The following SLC9A9 variants were observed in gnomAD, a reference collection of about 807,000 sequenced individuals.
SLC9A9 encodes sodium/hydrogen exchanger 9.
A neutral mutation model predicts 77.8 loss-of-function variants in SLC9A9; 62 were observed. That is an observed-to-expected ratio of 0.80 (90% confidence interval 0.65 to 0.98). The LOEUF (loss-of-function observed/expected upper bound fraction) is 0.98, where lower values mean the gene tolerates loss of function less well. Ranked by LOEUF, SLC9A9 falls within the 50% of genes least tolerant of loss-of-function variation. The probability of loss-of-function intolerance (pLI) is 0.00; values close to 1 mark genes in which losing one functional copy is unlikely to be tolerated. For missense variants in SLC9A9, 775 were observed against 774.9 expected (o/e 1.00, Z 0.00); for synonymous variants, 320 against 283.5 (o/e 1.13, Z -1.29).
At chr3:143,761,896 G>A (rs575328063) in intron 4 of SLC9A9, among the ~76,000 whole-genome samples, 48 of 152,298 alleles carry the variant, frequency 3.2e-4, no homozygotes, top group African/African-American at 1.1e-3. Flanking sequence ...GCACACGTAT[G>A]TTTATTGCAG....
At chr3:143,332,303 A>G (rs1265251846) in intron 14 of SLC9A9, among the ~76,000 whole-genome samples, 1 of 152,196 alleles carries the variant, frequency 6.6e-6, no homozygotes, top group Non-Finnish European at 1.5e-5. Context: ...GGGTTCTAAA[A>G]AACCTCAACC....
intron 14 of SLC9A9, among the ~76,000 whole-genome samples, chr3:143,278,281 ACG>A (rs1281746240): frequency 6.6e-6 from 1 of 152,070 alleles, no homozygotes; most frequent in African/African-American, 2.4e-5. Flanking sequence ...CAAACACAAA[ACG>A]CAAAGGGCTG....
At chr3:143,332,023 G>C (rs1410417215) in intron 14 of SLC9A9, among the ~76,000 whole-genome samples, 1 of 152,188 alleles carries the variant, frequency 6.6e-6, no homozygotes, top group Admixed American at 6.5e-5. Flanking sequence ...AAGTCATGGA[G>C]TTAAGGTTTC....
At chr3:143,418,187 C>T (rs909559520) in intron 12 of SLC9A9, among the ~76,000 whole-genome samples, 7 of 151,328 alleles carry the variant, frequency 4.6e-5, no homozygotes, top group African/African-American at 1.7e-4. Flanking sequence ...TCCATCCAGC[C>T]TTACCATGAA....
intron 12 of SLC9A9, among the ~76,000 whole-genome samples, chr3:143,449,631 A>T (rs189222283): frequency 3.8e-5 from 1 of 26,408 alleles, no homozygotes; most frequent in Non-Finnish European, 6.3e-5. Flanking sequence ...AATTATATAA[A>T]ATATAATTAT....
At position 143,763,668 on chromosome 3, in the gene SLC9A9, C is replaced by CA. The variant is rs374781441; in HGVS notation, c.533+31332dup. On this transcript the variant is annotated intron_variant, in intron 4 of 15. Transcript: ENST00000316549. ...TAAGTAATTCTACTCTGCAGTCTTTCAAAAAAAGCTAGAAAAATGAAGCAA... is the reference window on the plus strand; with the variant it reads ...TAAGTAATTCTACTCTGCAGTCTTTCAAAAAAAAGCTAGAAAAATGAAGCAA... 4.0e-3 allele frequency among the ~76,000 whole-genome samples: 597 copies of CA among 149,684 alleles called. 5 individuals carry two copies. The highest frequency in any genetic ancestry group is 0.012 in the African/African-American group (505 of 40,868).
chr3:143,281,547 T>A (rs1938220698), intron 14 of SLC9A9, among the ~76,000 whole-genome samples: 1 of 152,100 alleles, frequency 6.6e-6, no homozygotes. Flanking sequence ...TCCCTCAGGG[T>A]CCCAACTCTT....
Position 143,805,615 on chromosome 3 carries a change from A to G in SLC9A9, c.379-8712T>C, listed in dbSNP as rs186738639. ...CTGCCTTAACTGATGACATACCACC[A>G]CAAAAGAGGTGAAAATGGCCCATTC... On this transcript the variant is annotated intron_variant, in intron 2 of 15. Coordinates refer to ENST00000316549, the MANE Select transcript of SLC9A9 (RefSeq NM_173653.4). Among the ~76,000 whole-genome samples, 1,411 of 152,112 alleles carry G rather than the reference A, an allele frequency of 9.3e-3. 6 individuals are homozygous for G. Among genetic ancestry groups the G allele is most frequent in the Non-Finnish European group, 0.015 (1,020 of 67,996 alleles).
At chr3:143,637,995 G>A (rs994938568) in intron 6 of SLC9A9, among the ~76,000 whole-genome samples, 1 of 152,058 alleles carries the variant, frequency 6.6e-6, no homozygotes, top group Non-Finnish European at 1.5e-5. Flanking sequence ...TTTCTTATAA[G>A]TTATGCTAAT....
At chr3:143,590,806 A>T (rs999471468) in intron 6 of SLC9A9, among the ~76,000 whole-genome samples, 5 of 152,212 alleles carry the variant, frequency 3.3e-5, no homozygotes, top group African/African-American at 4.8e-5. Flanking sequence ...AAAAACCATG[A>T]AAACAACGGA....
intron 11 of SLC9A9, among the ~76,000 whole-genome samples, chr3:143,477,294 A>G (rs926058818): frequency 6.6e-6 from 1 of 150,586 alleles, no homozygotes; most frequent in African/African-American, 2.4e-5. Context: ...GTTCCCAAAC[A>G]TAAGCTATAT....
chr3:143,530,459 G>C (rs889838223), intron 9 of SLC9A9, among the ~76,000 whole-genome samples: 3 of 152,054 alleles, frequency 2.0e-5, no homozygotes, highest in African/African-American at 4.8e-5. Context: ...ATGATTGTGA[G>C]GCCTCCCTAG....
intron 6 of SLC9A9, among the ~76,000 whole-genome samples, chr3:143,598,031 T>C (rs1187788379): frequency 6.6e-6 from 1 of 152,118 alleles, no homozygotes; most frequent in African/African-American, 2.4e-5. Context: ...AGACAAAAGG[T>C]TCTGTACCCA....
intron 9 of SLC9A9, among the ~76,000 whole-genome samples, chr3:143,540,410 G>A (rs2036667891): frequency 6.6e-6 from 1 of 152,146 alleles, no homozygotes; most frequent in African/African-American, 2.4e-5. Context: ...GCCCTCTCAG[G>A]GTTGTAGTAA....
At chr3:143,795,128 T>C (rs1436746978) in intron 3 of SLC9A9, 51 bp from the exon 4 acceptor site, 1 of 1,538,278 alleles carries the variant, frequency 6.5e-7, no homozygotes, top group East Asian at 2.3e-5. Context: ...TTTTTCTTAG[T>C]GCAAAAGAAA....
chr3:143,541,902 A>G (rs2036696241), intron 9 of SLC9A9, among the ~76,000 whole-genome samples: 1 of 152,242 alleles, frequency 6.6e-6, no homozygotes, highest in Non-Finnish European at 1.5e-5. Context: ...AAAAATTTAC[A>G]TAAAATATTT....
At chr3:143,330,160 T>G (rs944851060) in intron 14 of SLC9A9, among the ~76,000 whole-genome samples, 1 of 152,032 alleles carries the variant, frequency 6.6e-6, no homozygotes, top group Non-Finnish European at 1.5e-5. Context: ...GCAGGAGCAG[T>G]GAAGAGGAGA....
chr3:143,479,718 A>G (rs1357629716), intron 11 of SLC9A9, among the ~76,000 whole-genome samples: 1 of 152,056 alleles, frequency 6.6e-6, no homozygotes, highest in African/African-American at 2.4e-5. Context: ...TGGAGAGAGG[A>G]GAGCAGGAGC....
chr3:143,403,230 T>C (rs1387747998), intron 12 of SLC9A9, among the ~76,000 whole-genome samples: 4 of 152,202 alleles, frequency 2.6e-5, no homozygotes, highest in Non-Finnish European at 5.9e-5. Context: ...TTACTCTTTA[T>C]TTCTTCCTGT....
Sources: gnomAD v4.1 joint callset for allele counts (sites outside exome capture counted in the v4.1 genomes callset) on GRCh38, gnomAD v4.1.1 for gene constraint, MANE v1.5 for transcripts, NCBI Gene and HGNC (gene_info 2026-07-23, HGNC 2026-07-21) for gene names.